The following TANGO2 variants were observed in gnomAD, a reference collection of about 807,000 sequenced individuals.
TANGO2 encodes transport and golgi organization 2 homolog.
A neutral mutation model predicts 39.1 loss-of-function variants in TANGO2; 26 were observed. The observed-to-expected ratio is 0.67, with a 90% CI of 0.49 to 0.92. The LOEUF (loss-of-function observed/expected upper bound fraction) is 0.92. TANGO2 is among the 40% of genes least tolerant of loss of function. TANGO2 has a pLI of 0.00. For synonymous variants in TANGO2, 131 were observed against 144.5 expected (o/e 0.91, Z 0.67); for missense variants, 326 against 360.1 (o/e 0.91, Z 0.77).
intron 2 of TANGO2, among the ~76,000 whole-genome samples, chr22:20,038,525 TG>T (rs1271662533): frequency 2.0e-5 from 3 of 152,104 alleles, no homozygotes; most frequent in African/African-American, 7.2e-5. Flanking sequence ...AGGGTTGACA[TG>T]GGCCCCTCTT....
At chr22:20,022,431 C>T (rs2039892594) in intron 1 of TANGO2, among the ~76,000 whole-genome samples, 1 of 152,156 alleles carries the variant, frequency 6.6e-6, no homozygotes, top group African/African-American at 2.4e-5. Context: ...GCCCTGGTGC[C>T]CCCACCCCCT....
At chr22:20,062,525 G>C (rs1029719375) in intron 7 of TANGO2, among the ~76,000 whole-genome samples, 4 of 152,236 alleles carry the variant, frequency 2.6e-5, no homozygotes, top group African/African-American at 9.6e-5. Flanking sequence ...CAGCATCGCT[G>C]CCTCACTGGA....
At chr22:20,053,132 G>A (rs1373136188) in intron 4 of TANGO2, among the ~76,000 whole-genome samples, 4 of 152,108 alleles carry the variant, frequency 2.6e-5, no homozygotes, top group Admixed American at 6.5e-5. Context: ...TGCCTTCCCC[G>A]AGACGACAGC....
intron 1 of TANGO2, among the ~76,000 whole-genome samples, chr22:20,022,514 C>T (rs1044059562): frequency 6.6e-6 from 1 of 152,240 alleles, no homozygotes; most frequent in Non-Finnish European, 1.5e-5. Flanking sequence ...CCCCTGCCTG[C>T]TGTGATGTGT....
At position 20,057,293 on chromosome 22, in the gene TANGO2, G is replaced by A. The variant is rs757929904; in HGVS notation, c.451+1280G>A. On this transcript the variant is annotated intron_variant, in intron 6 of 8. Coordinates refer to ENST00000327374, the MANE Select transcript of TANGO2 (RefSeq NM_152906.7). This position sits in a 1 kb window ranked among gnomAD's most constrained non-coding sequence, Gnocchi z 4.1. Reference sequence around the variant, plus strand: ...CTGGAGCTGGCTTCCAGCTTCCCACGTCTGCCCAGTGATGTTTCATCCACA... The same window carrying A: ...CTGGAGCTGGCTTCCAGCTTCCCACATCTGCCCAGTGATGTTTCATCCACA... Among the ~76,000 whole-genome samples, 3 of 152,112 alleles carry A rather than the reference G, an allele frequency of 2.0e-5. No homozygotes were observed. The highest frequency in any genetic ancestry group is 6.5e-5 in the Admixed American group (1 of 15,276).
chr22:20,043,474 G>A lies in TANGO2; in HGVS notation c.145+31G>A, dbSNP rs755940747. The A allele has an allele frequency of 3.3e-6, 5 of 1,506,234 alleles. No individual in the cohort carries two copies. In the East Asian group the frequency reaches 1.1e-4, roughly 34 times the overall value. 93.3% of individuals were successfully genotyped at this position (1,506,234 alleles called of 1,614,324 possible). On this transcript the variant is annotated intron_variant, in intron 3 of 8. Transcript: ENST00000327374. ...TCTTCCTGCGTGCTCAGCGGTGGCT[G>A]CGCCTTGTTGCTTCCCTAGCCCCTG...
At chr22:20,023,245 C>A (rs1296113579) in intron 1 of TANGO2, among the ~76,000 whole-genome samples, 1 of 152,220 alleles carries the variant, frequency 6.6e-6, no homozygotes, top group Non-Finnish European at 1.5e-5. Context: ...TAACTTGAAA[C>A]TTGAAGTGCT....
In TANGO2 at chr22:20,023,447, CTT is replaced by C. The variant is rs2040114423; in HGVS notation, c.-40+2202_-40+2203del. Among the ~76,000 whole-genome samples, 3 of 152,338 alleles carry C rather than the reference CTT, an allele frequency of 2.0e-5. No individual in the cohort carries two copies. The South Asian group carries it at 6.2e-4, about 32-fold the overall frequency. ...AGCTTGCTGTCTGCTCACGATGCCT[CTT>C]GTTTGTGCTATTCCTTGGAACTGGG... On this transcript the variant is annotated intron_variant, in intron 1 of 8. Transcript: ENST00000327374.
intron 7 of TANGO2, chr22:20,063,004 A>T (rs1029626858): frequency 7.5e-6 from 2 of 265,038 alleles, no homozygotes; most frequent in Admixed American, 1.1e-4. Context: ...CTGTAATCCC[A>T]GCTGACGGCT....
chr22:20,026,250 T>G (rs1197319092), intron 1 of TANGO2, among the ~76,000 whole-genome samples: 1 of 152,056 alleles, frequency 6.6e-6, no homozygotes, highest in Non-Finnish European at 1.5e-5. Flanking sequence ...ATACAAAAAT[T>G]AGCCAGGCAT....
chr22:20,041,353 C>T (rs1326119019), intron 2 of TANGO2, among the ~76,000 whole-genome samples: 1 of 137,744 alleles, frequency 7.3e-6, no homozygotes, highest in Non-Finnish European at 1.5e-5. Context: ...TGCTCTGTCA[C>T]TCAGGCTGGA....
intron 3 of TANGO2, among the ~76,000 whole-genome samples, chr22:20,050,690 A>T: frequency 7.0e-6 from 1 of 143,552 alleles, no homozygotes; most frequent in African/African-American, 2.6e-5. Context: ...CACACTAAGG[A>T]TTTTAAAAAT....
In TANGO2 at chr22:20,065,142, T is replaced by TCA. The variant is rs2049050738; in HGVS notation, c.*482_*483dup. 6.1e-6 allele frequency: 1 copy of TCA among 162,696 alleles called. No homozygotes were observed. The highest frequency in any genetic ancestry group is 2.4e-5 in the African/African-American group (1 of 41,788). The allele number at this position is 162,696 out of a possible 1,614,324, so 10.1% of individuals were successfully genotyped here. A position where few individuals can be genotyped will look rare whatever the true frequency, so the allele number is the denominator to read the frequency against. ...GCCGAACAAGGCAGAAGGGCGACTC[T>TCA]CACCTCTCATGTGCTTCTGGCCAGT... On this transcript the variant is annotated 3_prime_UTR_variant, in exon 9 of 9. Coordinates refer to ENST00000327374, the MANE Select transcript of TANGO2 (RefSeq NM_152906.7).
At chr22:20,049,136 G>A (rs184191910) in intron 3 of TANGO2, among the ~76,000 whole-genome samples, 1 of 152,270 alleles carries the variant, frequency 6.6e-6, no homozygotes, top group Admixed American at 6.5e-5. Context: ...TACATGGTGT[G>A]AGGTAGGGGT....
intron 1 of TANGO2, among the ~76,000 whole-genome samples, chr22:20,028,141 C>T (rs1190763842): frequency 2.6e-5 from 4 of 151,934 alleles, no homozygotes; most frequent in African/African-American, 9.7e-5. Context: ...ACAGAGTCTC[C>T]CTCTGTTGCT....
chr22:20,050,760 T>C lies in TANGO2; in HGVS notation c.146-1705T>C, dbSNP rs1237229157. The stretch of plus-strand genomic sequence containing the variant: ...CCAGTTCTTGCTAGCATTTACTTAT[T>C]AGTTCTAATACATCGGTTTTGGTAT... On this transcript the variant is annotated intron_variant, in intron 3 of 8. Transcript: ENST00000327374. 3.3e-5 allele frequency among the ~76,000 whole-genome samples: 5 copies of C among 152,042 alleles called. No homozygotes were observed. The East Asian group carries it at 9.6e-4, about 29-fold the overall frequency.
At chr22:20,026,662 G>A (rs2040825271) in intron 1 of TANGO2, among the ~76,000 whole-genome samples, 1 of 152,246 alleles carries the variant, frequency 6.6e-6, no homozygotes, top group Admixed American at 6.5e-5. Flanking sequence ...GCTGCACTAC[G>A]GGTCAGTGAG....
At chr22:20,035,085 C>G (rs1020946883) in intron 1 of TANGO2, among the ~76,000 whole-genome samples, 16 of 152,234 alleles carry the variant, frequency 1.1e-4, no homozygotes, top group African/African-American at 3.4e-4. Context: ...CCCACAGGGC[C>G]CCCTTGCAAC....
chr22:20,059,800 GTC>G (rs528592809), intron 6 of TANGO2, among the ~76,000 whole-genome samples: 47 of 152,118 alleles, frequency 3.1e-4, no homozygotes, highest in African/African-American at 1.1e-3. Context: ...TAAGTCCTAT[GTC>G]TCTCTCTTTT....
Sources: allele counts gnomAD v4.1 joint callset (sites outside exome capture counted in the v4.1 genomes callset), GRCh38; gene constraint gnomAD v4.1.1; non-coding constraint Gnocchi (gnomAD v3.1); transcripts MANE v1.5; gene names NCBI Gene and HGNC (gene_info 2026-07-23, HGNC 2026-07-21).